The following TRIM36 variants were observed in gnomAD, a reference collection of about 807,000 sequenced individuals.
The protein encoded by TRIM36 is tripartite motif containing 36, also known as E3 ubiquitin-protein ligase TRIM36.
A neutral mutation model predicts 72.4 loss-of-function variants in TRIM36; 42 were observed. The observed-to-expected ratio is 0.58, with a 90% CI of 0.45 to 0.75. TRIM36 has a LOEUF of 0.75. Among genes scored for constraint, TRIM36 ranks in the 30% least tolerant of loss-of-function variants. The pLI is 0.00. For synonymous variants in TRIM36, 315 were observed against 282.8 expected, an observed-to-expected ratio of 1.11 and a Z score of -1.14; for missense variants, 913 against 857.1, an observed-to-expected ratio of 1.07 and a Z score of -0.81.
chr5:115,175,045 G>A (rs1459125286), intron 1 of TRIM36, among the ~76,000 whole-genome samples: 1 of 151,662 alleles, frequency 6.6e-6, no homozygotes, highest in Non-Finnish European at 1.5e-5. Context: ...CTTCCCTGTA[G>A]GGTTACTAGA....
chr5:115,143,742 A>C (rs992457574), intron 4 of TRIM36, among the ~76,000 whole-genome samples: 4 of 152,254 alleles, frequency 2.6e-5, no homozygotes, highest in Non-Finnish European at 4.4e-5. Flanking sequence ...TTTCTTTTAA[A>C]AATATTGTTT....
upstream of TRIM36, among the ~76,000 whole-genome samples, chr5:115,171,734 G>A (rs1009963833): frequency 6.6e-6 from 1 of 152,198 alleles, no homozygotes; most frequent in Admixed American, 6.5e-5. Context: ...AGACTTCACT[G>A]AGCTATCATT....
intron 2 of TRIM36, among the ~76,000 whole-genome samples, chr5:115,154,706 C>A (rs901202975): frequency 6.6e-6 from 1 of 151,976 alleles, no homozygotes; most frequent in East Asian, 1.9e-4. Flanking sequence ...AAATTATCAA[C>A]AAAAAAAGTC....
In TRIM36 at chr5:115,177,801, A is replaced by T. The variant is rs376435231; in HGVS notation, c.63+2174T>A. 10 of 1,614,144 alleles carry T rather than the reference A, an allele frequency of 6.2e-6. No homozygotes were observed. In the African/African-American group the frequency reaches 1.3e-4, roughly 22 times the overall value. On this transcript the variant is annotated intron_variant, in intron 1 of 9. Transcript: ENST00000282369. The stretch of plus-strand genomic sequence containing the variant: ...TTCCAACCTCAGAGATTTCAAAGGG[A>T]CAGCGGGCCTCTCCACCTTTAGAAG...
chr5:115,164,517 G>A (rs1288965401), intron 1 of TRIM36, among the ~76,000 whole-genome samples: 1 of 152,188 alleles, frequency 6.6e-6, no homozygotes, highest in Admixed American at 6.5e-5. Context: ...CGTGGTGGCA[G>A]GTGAGAGAGA....
chr5:115,135,082 A>G (rs1418814983), intron 7 of TRIM36, among the ~76,000 whole-genome samples: 2 of 152,188 alleles, frequency 1.3e-5, no homozygotes, highest in Non-Finnish European at 2.9e-5. Context: ...TTAACTGTTT[A>G]GTTTTGGAAA....
At position 115,130,635 on chromosome 5, in the gene TRIM36, G is replaced by C; in HGVS notation, c.1753C>G (p.Leu585Val). 1.2e-6 allele frequency: 2 copies of C among 1,614,186 alleles called. No individual in the cohort carries two copies. The highest frequency in any genetic ancestry group is 1.7e-6 in the Non-Finnish European group (2 of 1,180,026). ...VKVGVASSDKLQEWLRSPRDA... is the reference protein window; with the variant it reads ...VKVGVASSDKVQEWLRSPRDA... ...CGGGGAGAACGGAGCCATTCTTGTA[G>C]TTTATCGCTAGAAGCAACTCCCACT... Residue 585 changes from leucine (L) to valine (V), a missense_variant, in exon 9 of 10, where the codon CTA (leucine) becomes GTA (valine). Coordinates refer to ENST00000513154, the MANE Select transcript of TRIM36 (RefSeq NM_001300759.2).
intron 1 of TRIM36, chr5:115,177,889 CAG>C (rs560835718): frequency 1.5e-3 from 2,329 of 1,549,960 alleles, no homozygotes; most frequent in South Asian, 1.9e-3. Flanking sequence ...AAGAGAGAGA[CAG>C]AGAGAGAGAG....
chr5:115,135,143 T>C (rs1474059582), intron 7 of TRIM36, among the ~76,000 whole-genome samples: 2 of 152,206 alleles, frequency 1.3e-5, no homozygotes, highest in Non-Finnish European at 2.9e-5. Context: ...TCTTTATTCA[T>C]ATGCAAAGTC....
chr5:115,158,604 T>C (rs1754313886), intron 2 of TRIM36, among the ~76,000 whole-genome samples: 1 of 152,222 alleles, frequency 6.6e-6, no homozygotes, highest in Non-Finnish European at 1.5e-5. Context: ...TGTTTGGCAG[T>C]GGCCTGATAT....
intron 7 of TRIM36, among the ~76,000 whole-genome samples, chr5:115,136,011 A>C (rs1463373729): frequency 6.6e-6 from 1 of 152,062 alleles, no homozygotes; most frequent in East Asian, 1.9e-4. Flanking sequence ...ATGAGGTGAG[A>C]AGAAGAAAAA....
chr5:115,140,317 G>A (rs147344220), intron 5 of TRIM36, among the ~76,000 whole-genome samples: 1 of 152,216 alleles, frequency 6.6e-6, no homozygotes, highest in African/African-American at 2.4e-5. Flanking sequence ...AAAAACAAGT[G>A]TACAACAAAG....
At chr5:115,177,483 T>C in intron 1 of TRIM36, 1 of 1,227,150 alleles carries the variant, frequency 8.1e-7, no homozygotes, top group Non-Finnish European at 1.0e-6. Flanking sequence ...AAACCCGAAC[T>C]ACAAAGTGGA....
intron 1 of TRIM36, among the ~76,000 whole-genome samples, chr5:115,168,341 G>A (rs751170963): frequency 7.2e-5 from 11 of 152,094 alleles, no homozygotes; most frequent in Admixed American, 1.3e-4. Flanking sequence ...ATTTCTCTAC[G>A]TAGTTTTTTC....
At chr5:115,132,858 T>G (rs1316752090) in intron 8 of TRIM36, among the ~76,000 whole-genome samples, 2 of 152,152 alleles carry the variant, frequency 1.3e-5, no homozygotes, top group Non-Finnish European at 2.9e-5. Flanking sequence ...GAAGCAGAAA[T>G]AGCATAAACC....
At chr5:115,137,291 A>C (rs114606320) in intron 6 of TRIM36, 72 bp downstream of exon 6, 4 of 1,533,884 alleles carry the variant, frequency 2.6e-6, no homozygotes, top group Non-Finnish European at 3.5e-6. Flanking sequence ...AATCAGAGCT[A>C]AAGTGAGAAT....
At chr5:115,169,915 G>A (rs1755014116), upstream of TRIM36, 1 of 1,285,874 alleles carries the variant, frequency 7.8e-7, no homozygotes, top group Non-Finnish European at 9.9e-7. Flanking sequence ...CTGCGGCTGG[G>A]AACGGCGCCG....
intron 9 of TRIM36, among the ~76,000 whole-genome samples, chr5:115,127,354 A>ATCCT (rs1381953383): frequency 1.3e-5 from 2 of 152,248 alleles, no homozygotes; most frequent in Admixed American, 1.3e-4. Flanking sequence ...TGAGGCCAGG[A>ATCCT]GTTCCAGACC....
chr5:115,179,930 G>A (rs768125166), intron 1 of TRIM36: 14 of 1,578,718 alleles, frequency 8.9e-6, no homozygotes, highest in Admixed American at 5.1e-5. Flanking sequence ...AGGTAGTGCC[G>A]GAGTCGGGGG....
Sources: gnomAD v4.1 joint callset for allele counts (sites outside exome capture counted in the v4.1 genomes callset) on GRCh38, gnomAD v4.1.1 for gene constraint, MANE v1.5 for transcripts, NCBI Gene and HGNC (gene_info 2026-07-23, HGNC 2026-07-21) for gene names.